DNAJC14: variants seen among roughly 807,000 people sequenced by gnomAD.
DNAJC14 encodes DnaJ heat shock protein family (Hsp40) member C14, also known as dnaJ homolog subfamily C member 14.
A neutral mutation model predicts 68.8 loss-of-function variants in DNAJC14; 12 were observed. That is an observed-to-expected ratio of 0.17 (90% confidence interval 0.11 to 0.28). The LOEUF is 0.28. Among genes scored for constraint, DNAJC14 ranks in the 10% least tolerant of loss-of-function variants. DNAJC14 has a pLI of 1.00. For missense variants in DNAJC14, 764 were observed against 875.6 expected (o/e 0.87, Z 1.61); for synonymous variants, 350 against 321.5 (o/e 1.09, Z -0.95).
In DNAJC14 at chr12:55,827,294, T is replaced by A. The variant is rs1230647275; in HGVS notation, c.1365A>T (p.Ser455=). 1 of 1,580,496 alleles carries A rather than the reference T, an allele frequency of 6.3e-7. No homozygotes were observed. Among genetic ancestry groups the A allele is most frequent in the African/African-American group, 1.4e-5 (1 of 73,634 alleles). The part of the protein sequence containing the change: ...FHVLGVEATA[S]DVELKKAYRQ... ...TATAGGCCTTCTTCAGTTCAACATCTGATGCTGTGGCCTCAACCCCCAGTA... is the reference window on the plus strand; with the variant it reads ...TATAGGCCTTCTTCAGTTCAACATCAGATGCTGTGGCCTCAACCCCCAGTA... The change falls in exon 2 of 7, where the codon TCA becomes TCT. Residue 455 remains serine, a synonymous_variant. Coordinates refer to ENST00000678005, the MANE Select transcript of DNAJC14 (RefSeq NM_032364.6).
chr12:55,823,701 CTTT>C (rs57733478), intron 2 of DNAJC14, among the ~76,000 whole-genome samples, 193 bp from the exon 3 acceptor site: 4 of 129,830 alleles, frequency 3.1e-5, no homozygotes, highest in Admixed American at 7.9e-5. Context: ...CCTTGAATAT[CTTT>C]TTTTTTTTTT....
chr12:55,827,681 C>G lies in DNAJC14; in HGVS notation c.978G>C (p.Leu326=). ...GAGCCAGGAGCAGCAAAGCACCCAG[C>G]AGCTTAAGAAAACGAGTAAACAGTC... ...GVGLFTRFLK[L]LGALLLLALA... The change falls in exon 2 of 7, where the codon CTG becomes CTC. Residue 326 remains leucine, a synonymous_variant. Transcript: ENST00000678005. 6.2e-7 allele frequency: 1 copy of G among 1,614,016 alleles called. No homozygotes were observed.
rs928814977 is a variant in DNAJC14 at position 55,822,120 on chromosome 12, C to T, written c.1966G>A (p.Gly656Arg). The change falls in exon 7 of 7, where the codon GGG (glycine) becomes AGG (arginine). Residue 656 changes from glycine (G) to arginine (R), a missense_variant. Around this residue, in one of 4 missense-constraint regions of DNAJC14, gnomAD observed 134 missense variants for 162.3 expected, o/e 0.83. Transcript: ENST00000678005. ...AAGAAGTTCCCATTGGGCATCTGCC[C>T]TGGGGGTACTTGAAAGATCCGACTC... Reference protein sequence around the residue: ...FLSRIFQVPPGQMPNGNFFAA... With the variant: ...FLSRIFQVPPRQMPNGNFFAA... 1 of 1,610,296 alleles carries T rather than the reference C, an allele frequency of 6.2e-7. No individual in the cohort carries two copies. Among genetic ancestry groups the T allele is most frequent in the East Asian group, 2.2e-5 (1 of 44,864 alleles).
chr12:55,822,221 G>A, intron 6 of DNAJC14, 34 bp from the exon 7 acceptor site: 1 of 1,548,718 alleles, frequency 6.5e-7, no homozygotes, highest in South Asian at 1.2e-5. Context: ...GGCAAGAGAT[G>A]TTAGAGTCAT....
At chr12:55,829,054 G>C in intron 1 of DNAJC14, 1 of 980,816 alleles carries the variant, frequency 1.0e-6, no homozygotes, top group Non-Finnish European at 1.2e-6. Flanking sequence ...CAGACTTCCA[G>C]TAATGGGTGG....
intron 2 of DNAJC14, among the ~76,000 whole-genome samples, chr12:55,823,709 T>C (rs1880727360): frequency 7.9e-6 from 1 of 126,022 alleles, no homozygotes; most frequent in Admixed American, 8.3e-5. Context: ...ATCTTTTTTT[T>C]TTTTTTTTTT....
At position 55,823,185 on chromosome 12, in the gene DNAJC14, G is replaced by A; in HGVS notation, c.1519C>T (p.Arg507Ter). Residue 507 changes from arginine (R) to a stop codon, truncating the protein, a stop_gained, in exon 4 of 7, where the codon CGA becomes TGA. Transcript: ENST00000678005. LOFTEE classifies it high-confidence loss of function. ...AEKRKEYEMK[R>*]MAENELSRSV... Reference sequence around the variant, plus strand: ...CGGCTCAGCTCATTCTCTGCCATTCGTTTCCTAATAGAAGAAATGCTTTGT... The same window carrying A: ...CGGCTCAGCTCATTCTCTGCCATTCATTTCCTAATAGAAGAAATGCTTTGT... 1 of 1,614,040 alleles carries A rather than the reference G, an allele frequency of 6.2e-7. No individual in the cohort carries two copies. Among genetic ancestry groups the A allele is most frequent in the Non-Finnish European group, 8.5e-7 (1 of 1,180,006 alleles).
chr12:55,827,863 C>T lies in DNAJC14; in HGVS notation c.796G>A (p.Val266Ile), dbSNP rs767317160. Residue 266 changes from valine to isoleucine, a missense_variant, in exon 2 of 7, where the codon GTA becomes ATA. Transcript: ENST00000678005. ...TAGATGAGATGGCCACAAGTTTCTACGTACTCTCCCACCAATACCAGCAGT... is the reference window on the plus strand; with the variant it reads ...TAGATGAGATGGCCACAAGTTTCTATGTACTCTCCCACCAATACCAGCAGT... ...IELLVLVGEY[V>I]ETCGHLIYAC... 2.5e-6 allele frequency: 4 copies of T among 1,613,536 alleles called. No individual in the cohort carries two copies. The highest frequency in any genetic ancestry group is 1.7e-6 in the Non-Finnish European group (2 of 1,179,624).
intron 2 of DNAJC14, among the ~76,000 whole-genome samples, chr12:55,825,458 C>T (rs1376105568): frequency 6.6e-6 from 1 of 151,692 alleles, no homozygotes; most frequent in African/African-American, 2.4e-5. Flanking sequence ...CTAATATCTA[C>T]TTCTAATGCA....
In DNAJC14 at chr12:55,828,270, T is replaced by G. The variant is rs768072664; in HGVS notation, c.389A>C (p.Asn130Thr). The change falls in exon 2 of 7, where the codon AAC (asparagine) becomes ACC (threonine). Residue 130 changes from asparagine (N) to threonine (T), a missense_variant. Asn to Thr is a moderately conservative substitution (Grantham distance 65). This residue lies in a region of DNAJC14 where 514 missense variants were observed against 521.7 expected (regional missense o/e 0.99). Coordinates refer to ENST00000678005, the MANE Select transcript of DNAJC14 (RefSeq NM_032364.6). ...NSFLSIPSAC[N>T]CQGTPGIPEG... ...TGGAATTCCAGGTGTTCCCTGGCAG[T>G]TGCAAGCAGATGGAATGGAAAGAAA... 2 of 1,605,998 alleles carry G rather than the reference T, an allele frequency of 1.2e-6. No homozygotes were observed. Among genetic ancestry groups the G allele is most frequent in the South Asian group, 1.1e-5 (1 of 90,078 alleles).
chr12:55,828,337 A>G lies in DNAJC14; in HGVS notation c.322T>C (p.Ser108Pro). The change falls in exon 2 of 7, where the codon TCA becomes CCA. Residue 108 changes from serine (S) to proline (P), a missense_variant. By Grantham distance (74) the Ser-to-Pro change is moderately conservative (BLOSUM62 -1). Around this residue, in one of 4 missense-constraint regions of DNAJC14, gnomAD observed 514 missense variants for 521.7 expected, o/e 0.99. Coordinates refer to ENST00000678005, the MANE Select transcript of DNAJC14 (RefSeq NM_032364.6). ...EEESGVDQEL[S>P]KENETGNQKD... ...TGGTTCCCAGTCTCGTTTTCTTTTG[A>G]GAGTTCCTGGTCCACTCCTGATTCT... 6.2e-7 allele frequency: 1 copy of G among 1,613,684 alleles called. No homozygotes were observed. Among genetic ancestry groups the G allele is most frequent in the Non-Finnish European group, 8.5e-7 (1 of 1,179,904 alleles).
intron 2 of DNAJC14, 77 bp from the exon 3 acceptor site, chr12:55,823,585 G>T: frequency 7.7e-7 from 1 of 1,298,634 alleles, no homozygotes; most frequent in South Asian, 1.2e-5. Flanking sequence ...ATATCAAAGG[G>T]TTCTCTTTCA....
In DNAJC14 at chr12:55,827,694, C is replaced by T. The variant is rs545314300; in HGVS notation, c.965G>A (p.Arg322His). Residue 322 changes from arginine (R) to histidine (H), a missense_variant, in exon 2 of 7, where the codon CGT (arginine) becomes CAT (histidine). Physicochemically the swap from Arg to His is conservative, Grantham distance 29 (BLOSUM62 0). Transcript: ENST00000678005. ...CAAAGCACCCAGCAGCTTAAGAAAA[C>T]GAGTAAACAGTCCTACTCCACAGTA... The part of the protein sequence containing the change: ...GFYCGVGLFT[R>H]FLKLLGALLL... The T allele has an allele frequency of 5.0e-6, 8 of 1,613,970 alleles. No individual in the cohort carries two copies. The highest frequency in any genetic ancestry group is 2.7e-5 in the African/African-American group (2 of 74,910).
rs528585456 is a variant in DNAJC14, at chr12:55,828,296, A to G, written c.363T>C (p.Ser121=). 3.1e-6 allele frequency: 5 copies of G among 1,610,674 alleles called. No individual in the cohort carries two copies. In the East Asian group the frequency reaches 8.9e-5, roughly 29 times the overall value. The change falls in exon 2 of 7, where the codon TCT becomes TCC. Residue 121 remains serine (S), a synonymous_variant. Coordinates refer to ENST00000678005, the MANE Select transcript of DNAJC14 (RefSeq NM_032364.6). ...NETGNQKDGN[S]FLSIPSACNC... Reference sequence around the variant, plus strand: ...TGCAAGCAGATGGAATGGAAAGAAAAGAGTTCCCATCCTTCTGGTTCCCAG... The same window carrying G: ...TGCAAGCAGATGGAATGGAAAGAAAGGAGTTCCCATCCTTCTGGTTCCCAG...
intron 3 of DNAJC14, 80 bp from the exon 4 acceptor site, chr12:55,823,269 C>T (rs1307578385): frequency 1.2e-6 from 2 of 1,605,842 alleles, no homozygotes; most frequent in Non-Finnish European, 1.7e-6. Flanking sequence ...CTCTTGAGGC[C>T]CCTGTCTAGC....
upstream of DNAJC14, chr12:55,830,193 G>A (rs1301642331): frequency 6.6e-6 from 1 of 152,128 alleles, no homozygotes; most frequent in Non-Finnish European, 1.5e-5. Flanking sequence ...CGCCCCTCGG[G>A]TCGCAGCTCC....
upstream of DNAJC14, chr12:55,829,747 G>A: frequency 2.9e-6 from 1 of 343,260 alleles, no homozygotes; most frequent in South Asian, 1.2e-4. Context: ...TCCTAAGGAA[G>A]TACTGGCCCC....
In DNAJC14 at chr12:55,827,407, T is replaced by G. The variant is rs751759413; in HGVS notation, c.1252A>C (p.Ser418Arg). 19 of 1,613,008 alleles carry G rather than the reference T, an allele frequency of 1.2e-5. No individual in the cohort carries two copies. In the Admixed American group the frequency reaches 2.5e-4, roughly 21 times the overall value. The change falls in exon 2 of 7, where the codon AGT (serine) becomes CGT (arginine). Residue 418 changes from serine to arginine, a missense_variant. Around this residue, in one of 4 missense-constraint regions of DNAJC14, gnomAD observed 514 missense variants for 521.7 expected, o/e 0.99. Transcript: ENST00000678005. Reference protein sequence around the residue: ...INRQGNAPVASGRYCQPEEEV... With the variant: ...INRQGNAPVARGRYCQPEEEV... ...TCTTCAGGCTGGCAGTAGCGCCCACTAGCTACAGGTGCATTCCCCTGCCTA... is the reference window on the plus strand; with the variant it reads ...TCTTCAGGCTGGCAGTAGCGCCCACGAGCTACAGGTGCATTCCCCTGCCTA...
At chr12:55,829,152 A>C in intron 1 of DNAJC14, 1 of 986,452 alleles carries the variant, frequency 1.0e-6, no homozygotes. Context: ...GGCTGTGTAG[A>C]AGGGACGAAG....
Sources: gnomAD v4.1 joint callset for allele counts (sites outside exome capture counted in the v4.1 genomes callset) on GRCh38, gnomAD v4.1.1 for gene constraint, gnomAD v4.1.1 regional missense constraint, MANE v1.5 for transcripts, NCBI Gene and HGNC (gene_info 2026-07-23, HGNC 2026-07-21) for gene names.